WDFY4: variants seen among roughly 807,000 people sequenced by gnomAD.
WDFY4 encodes the protein WD repeat- and FYVE domain-containing protein 4.
WDFY4 carries 169 observed loss-of-function variants against 351.9 expected under a neutral mutation model. That is an observed-to-expected ratio of 0.48 (90% CI 0.42 to 0.55). The LOEUF (loss-of-function observed/expected upper bound fraction) is 0.55, where lower values mean the gene tolerates loss of function less well. Among genes scored for constraint, WDFY4 ranks in the 20% least tolerant of loss-of-function variants. The pLI, the probability that WDFY4 is intolerant of heterozygous loss-of-function variation, is 0.00. For missense variants in WDFY4, 3,803 were observed against 3,935.6 expected, an observed-to-expected ratio of 0.97 and a Z score of 0.90; for synonymous variants, 1,622 against 1,574.6, an observed-to-expected ratio of 1.03 and a Z score of -0.71.
chr10:48,687,549 T>C (rs1364909269), intron 1 of WDFY4, among the ~76,000 whole-genome samples: 2 of 152,072 alleles, frequency 1.3e-5, no homozygotes, highest in Non-Finnish European at 2.9e-5. Flanking sequence ...AAACTTTATT[T>C]TATTCTGCTT....
Position 48,720,062 on chromosome 10 carries a change from G to T in WDFY4, c.286G>T (p.Ala96Ser), listed in dbSNP as rs1208910032. Residue 96 changes from alanine to serine, a missense_variant, in exon 3 of 62, where the codon GCT becomes TCT. Ala to Ser is a moderately conservative substitution (Grantham distance 99). Transcript: ENST00000325239. ...IICFPSLQRL[A>S]EDVSDQLAQQ... ...CTGCTTTCCCAGTCTCCAAAGGCTG[G>T]CTGAAGACGTGTCTGACCAGCTTGC... 5.2e-6 allele frequency: 8 copies of T among 1,551,768 alleles called. No individual in the cohort carries two copies. In the South Asian group the frequency reaches 7.1e-5, roughly 14 times the overall value.
chr10:48,827,902 TTC>T (rs984827929), intron 36 of WDFY4, among the ~76,000 whole-genome samples: 11 of 151,564 alleles, frequency 7.3e-5, no homozygotes, highest in South Asian at 2.1e-4. Flanking sequence ...TTTTTTTTTT[TTC>T]TTCCTGTTTC....
chr10:48,907,024 G>T (rs921800342), intron 47 of WDFY4, among the ~76,000 whole-genome samples: 1 of 152,070 alleles, frequency 6.6e-6, no homozygotes, highest in African/African-American at 2.4e-5. Flanking sequence ...GGGTACCAAA[G>T]GTGGCAATTC....
intron 44 of WDFY4, among the ~76,000 whole-genome samples, chr10:48,893,215 G>GC (rs1836903567): frequency 1.3e-5 from 2 of 152,194 alleles, no homozygotes; most frequent in Non-Finnish European, 2.9e-5. Flanking sequence ...CCCTCTGTGT[G>GC]TCTATCTCCG....
At chr10:48,827,027 C>A in intron 36 of WDFY4, 118 bp downstream of exon 36, 1 of 849,498 alleles carries the variant, frequency 1.2e-6, no homozygotes, top group African/African-American at 1.7e-5. Context: ...TTTTGTTTAT[C>A]TGGTCTTCCA....
At chr10:48,722,023 T>G (rs2064106505) in intron 4 of WDFY4, among the ~76,000 whole-genome samples, 1 of 152,176 alleles carries the variant, frequency 6.6e-6, no homozygotes, top group South Asian at 2.1e-4. Flanking sequence ...GCTGCTGCCC[T>G]CAGTGTAACT....
chr10:48,801,112 G>A lies in WDFY4; in HGVS notation c.4411-2174G>A, dbSNP rs184840005. Among the ~76,000 whole-genome samples the A allele has an allele frequency of 2.0e-5, 3 of 152,240 alleles. No individual in the cohort carries two copies. In the East Asian group the frequency reaches 5.8e-4, roughly 29 times the overall value. On this transcript the variant is annotated intron_variant, in intron 24 of 61. Transcript: ENST00000325239. ...CAGGGGTGGGGAGAGAGCAACACCT[G>A]ACACATTATACAGTCCATACTCAAA...
intron 47 of WDFY4, chr10:48,914,232 A>G: frequency 6.8e-7 from 1 of 1,472,150 alleles, no homozygotes; most frequent in Non-Finnish European, 9.1e-7. Flanking sequence ...ATCATGAAAA[A>G]CTGCTGAAAG....
At chr10:48,787,005 CATT>C in intron 20 of WDFY4, 135 bp downstream of exon 20, 1 of 708,260 alleles carries the variant, frequency 1.4e-6, no homozygotes, top group East Asian at 2.7e-5. Context: ...GTAATTGTAT[CATT>C]ATATATTTAC....
At chr10:48,922,105 G>T (rs1206089981) in intron 47 of WDFY4, among the ~76,000 whole-genome samples, 1 of 152,110 alleles carries the variant, frequency 6.6e-6, no homozygotes, top group African/African-American at 2.4e-5. Flanking sequence ...CTGTACAGTA[G>T]TCCCCCTTAT....
Position 48,946,899 on chromosome 10 carries a change from C to G in WDFY4, c.7907C>G (p.Ser2636Cys), listed in dbSNP as rs1841071081. 6.4e-7 allele frequency: 1 copy of G among 1,551,994 alleles called. No homozygotes were observed. Among genetic ancestry groups the G allele is most frequent in the African/African-American group, 1.4e-5 (1 of 73,012 alleles). The change falls in exon 51 of 62, where the codon TCC becomes TGC. Residue 2636 changes from serine to cysteine, a missense_variant. By Grantham distance (112) the Ser-to-Cys change is moderately radical. Transcript: ENST00000325239. ...TVQCHYYTHYSSAIIVASYLV... is the reference protein window; with the variant it reads ...TVQCHYYTHYCSAIIVASYLV... Reference sequence around the variant, plus strand: ...CAGTGCCACTACTACACCCACTACTCCTCGGCCATCATCGTGGCCTCCTAC... The same window carrying G: ...CAGTGCCACTACTACACCCACTACTGCTCGGCCATCATCGTGGCCTCCTAC...
intron 2 of WDFY4, among the ~76,000 whole-genome samples, chr10:48,716,030 C>T (rs2063898783): frequency 6.6e-6 from 1 of 152,066 alleles, no homozygotes; most frequent in Non-Finnish European, 1.5e-5. Flanking sequence ...GACTCTACCC[C>T]ATCTTGGAGT....
At chr10:48,809,012 T>C (rs1196757888) in intron 28 of WDFY4, among the ~76,000 whole-genome samples, 2 of 152,258 alleles carry the variant, frequency 1.3e-5, no homozygotes, top group South Asian at 4.1e-4. Context: ...ACCAACCTAA[T>C]ACTTTCAATA....
At chr10:48,774,167 G>A (rs1248318037) in intron 13 of WDFY4, among the ~76,000 whole-genome samples, 2 of 152,220 alleles carry the variant, frequency 1.3e-5, no homozygotes, top group African/African-American at 2.4e-5. Context: ...AGAGGCAGAC[G>A]CAGCCTCCTG....
At chr10:48,948,905 T>C (rs1160766184) in intron 51 of WDFY4, among the ~76,000 whole-genome samples, 1 of 152,226 alleles carries the variant, frequency 6.6e-6, no homozygotes, top group East Asian at 1.9e-4. Flanking sequence ...CAACTTAGCA[T>C]GAGCTAGACC....
chr10:48,729,625 C>T, intron 8 of WDFY4, 36 bp downstream of exon 8: 6 of 1,548,110 alleles, frequency 3.9e-6, no homozygotes, highest in South Asian at 1.2e-5. Context: ...CCGGAAGAGT[C>T]AGTGCTGAGC....
At chr10:48,698,804 A>G (rs1422346297) in intron 1 of WDFY4, among the ~76,000 whole-genome samples, 1 of 152,204 alleles carries the variant, frequency 6.6e-6, no homozygotes. Context: ...GGCTCTCCAG[A>G]GAAACAGAAC....
chr10:48,780,578 G>A (rs1013456317), intron 19 of WDFY4, among the ~76,000 whole-genome samples: 7 of 152,172 alleles, frequency 4.6e-5, no homozygotes, highest in African/African-American at 1.7e-4. Flanking sequence ...AACACGTGTC[G>A]TCAGATTTAG....
intron 55 of WDFY4, chr10:48,967,444 G>A (rs1842133533): frequency 6.6e-6 from 1 of 152,260 alleles, no homozygotes; most frequent in Non-Finnish European, 1.5e-5. Context: ...AGTTCTTCCA[G>A]GGACCAGGGG....
Sources: gnomAD v4.1 joint callset for allele counts (sites outside exome capture counted in the v4.1 genomes callset) on GRCh38, gnomAD v4.1.1 for gene constraint, MANE v1.5 for transcripts, NCBI Gene and HGNC (gene_info 2026-07-23, HGNC 2026-07-21) for gene names.